Variants in DMD observed in about 807,000 individuals in gnomAD.
DMD encodes the protein mutant dystrophin.
In DMD, 63 loss-of-function variants were observed where a neutral mutation model predicts 330.1. The observed-to-expected ratio is 0.19, with a 90% confidence interval of 0.16 to 0.24. The LOEUF (loss-of-function observed/expected upper bound fraction) is 0.24. Among genes scored for constraint, DMD ranks in the 10% least tolerant of loss-of-function variants. The pLI is 1.00. For missense variants in DMD, 3,344 were observed against 2,684.1 expected, an observed-to-expected ratio of 1.25 and a Z score of -5.43; for synonymous variants, 1,223 against 959.8, an observed-to-expected ratio of 1.27 and a Z score of -5.07.
chrX:33,328,674 C>G (rs1430691621), intron 1 of DMD, among the ~76,000 whole-genome samples: 1 of 111,310 alleles, frequency 9.0e-6, no homozygotes, highest in East Asian at 2.8e-4. Flanking sequence ...CAGTATTAGA[C>G]AAGACTAAAG....
chrX:33,000,214 A>C (rs1039615124), intron 2 of DMD, among the ~76,000 whole-genome samples: 1 of 110,628 alleles, frequency 9.0e-6, no homozygotes, highest in African/African-American at 3.3e-5. Context: ...TACATTTACT[A>C]TACATATTTT....
rs149374190 is a variant in DMD at position 32,857,432 on chromosome X, A to T, written c.94-7612T>A. 2.3e-3 allele frequency among the ~76,000 whole-genome samples: 253 copies of T among 112,212 alleles called. 2 individuals are homozygous for T. Among genetic ancestry groups the T allele is most frequent in the African/African-American group, 7.9e-3 (244 of 30,910 alleles). ...AATAATTTGTTTTTCAAATTGAATG[A>T]AGGTATACAATGCCATTAAAATGAT... On this transcript the variant is annotated intron_variant, in intron 2 of 78. Coordinates refer to ENST00000357033, the MANE Select transcript of DMD (RefSeq NM_004006.3).
chrX:31,537,742 T>G (rs918893341), intron 55 of DMD, among the ~76,000 whole-genome samples: 6 of 111,586 alleles, frequency 5.4e-5, no homozygotes, highest in African/African-American at 9.8e-5. Flanking sequence ...CCTGCTTCTC[T>G]TCAGGTCTCA....
At chrX:33,079,839 A>G (rs893127625) in intron 1 of DMD, among the ~76,000 whole-genome samples, 2 of 111,816 alleles carry the variant, frequency 1.8e-5, no homozygotes, top group Non-Finnish European at 3.8e-5. Context: ...GAGGAGACTT[A>G]GCTTTCCAAA....
chrX:32,675,248 C>G (rs1464408754), intron 9 of DMD, among the ~76,000 whole-genome samples: 1 of 111,204 alleles, frequency 9.0e-6, no homozygotes, highest in African/African-American at 3.3e-5. Flanking sequence ...GAATTTAATG[C>G]ACCATTTTTT....
At chrX:31,272,039 CTT>C (rs2051674852) in intron 62 of DMD, among the ~76,000 whole-genome samples, 1 of 111,329 alleles carries the variant, frequency 9.0e-6, no homozygotes, top group Admixed American at 9.5e-5. Flanking sequence ...GGCCCTGTCT[CTT>C]TAGGGAGGCA....
chrX:31,271,731 G>C (rs2051649653), intron 62 of DMD, among the ~76,000 whole-genome samples: 1 of 111,659 alleles, frequency 9.0e-6, no homozygotes, highest in Non-Finnish European at 1.9e-5. Context: ...GTCAGCATTT[G>C]GGTATACAAT....
At chrX:33,128,168 C>G in intron 1 of DMD, 8 of 1,206,967 alleles carry the variant, frequency 6.6e-6, no homozygotes, top group Non-Finnish European at 9.0e-6. Context: ...TCAGACATTT[C>G]AAATTCTGCG....
intron 67 of DMD, among the ~76,000 whole-genome samples, chrX:31,197,444 A>C (rs1321614600): frequency 3.5e-5 from 3 of 85,974 alleles, no homozygotes; most frequent in Admixed American, 1.1e-4. Context: ...TGTTTCTAAC[A>C]CAGAGAAATA....
intron 21 of DMD, among the ~76,000 whole-genome samples, chrX:32,475,492 G>A (rs1475151939): frequency 8.9e-6 from 1 of 111,768 alleles, no homozygotes; most frequent in Admixed American, 9.5e-5. Context: ...ACGACTATGG[G>A]ATGTGTTTTC....
chrX:31,767,774 A>G (rs1414523833), intron 51 of DMD, among the ~76,000 whole-genome samples: 1 of 112,383 alleles, frequency 8.9e-6, no homozygotes, highest in Admixed American at 9.4e-5. Flanking sequence ...AGTTATAATC[A>G]GAATTATTCT....
chrX:31,964,640 TGAGA>T (rs954903073), intron 45 of DMD, among the ~76,000 whole-genome samples: 1 of 108,349 alleles, frequency 9.2e-6, no homozygotes, highest in Non-Finnish European at 1.9e-5. Flanking sequence ...GCCCTATATA[TGAGA>T]GATACAGAAA....
At chrX:31,623,979 CAG>C (rs1188087735) in intron 55 of DMD, among the ~76,000 whole-genome samples, 13 of 111,339 alleles carry the variant, frequency 1.2e-4, no homozygotes, top group Admixed American at 2.9e-4. Flanking sequence ...TTCAGAAAGA[CAG>C]AGTCTTTCCA....
intron 55 of DMD, among the ~76,000 whole-genome samples, chrX:31,553,957 T>C (rs1002222298): frequency 5.3e-5 from 6 of 112,691 alleles, no homozygotes; most frequent in Admixed American, 2.8e-4. Flanking sequence ...ATATGTCCTT[T>C]TGATTTTCAA....
intron 7 of DMD, among the ~76,000 whole-genome samples, chrX:32,788,950 A>G (rs2075618659): frequency 8.9e-6 from 1 of 111,891 alleles, no homozygotes. Flanking sequence ...AGTGATGTCA[A>G]TTAGTAACAA....
At chrX:33,274,904 C>G (rs1307850766) in intron 1 of DMD, among the ~76,000 whole-genome samples, 4 of 111,493 alleles carry the variant, frequency 3.6e-5, no homozygotes, top group African/African-American at 6.5e-5. Flanking sequence ...AGGAAGCCAG[C>G]AATGAGCTGG....
At chrX:32,536,770 G>T (rs2048027114) in intron 17 of DMD, among the ~76,000 whole-genome samples, 1 of 111,550 alleles carries the variant, frequency 9.0e-6, no homozygotes, top group Admixed American at 9.6e-5. Context: ...TTTTAAAAAA[G>T]GAGCAGAGGA....
At chrX:32,484,144 T>G (rs993082828) in intron 21 of DMD, among the ~76,000 whole-genome samples, 2 of 111,516 alleles carry the variant, frequency 1.8e-5, no homozygotes, top group African/African-American at 6.5e-5. Context: ...TCCTTTTGTG[T>G]GCACATGAAC....
intron 18 of DMD, among the ~76,000 whole-genome samples, chrX:32,503,727 T>G (rs762247388): frequency 9.0e-6 from 1 of 110,617 alleles, no homozygotes; most frequent in South Asian, 3.9e-4. Context: ...AGCTAATTTT[T>G]GTATTTTTAG....
Sources: gnomAD v4.1 joint callset for allele counts (sites outside exome capture counted in the v4.1 genomes callset) on GRCh38, gnomAD v4.1.1 for gene constraint, MANE v1.5 for transcripts, NCBI Gene and HGNC (gene_info 2026-07-23, HGNC 2026-07-21) for gene names.